The following SHMT1 variants were observed in gnomAD, a reference collection of about 807,000 sequenced individuals.
SHMT1 encodes the protein serine hydroxymethyltransferase 1.
A neutral mutation model predicts 49.0 loss-of-function variants in SHMT1; 45 were observed. That is an observed-to-expected ratio of 0.92 (90% CI 0.72 to 1.18). The LOEUF is 1.18. SHMT1 is among the 50% of genes most tolerant of loss of function. SHMT1 has a pLI of 0.00. For synonymous variants in SHMT1, 232 were observed against 246.6 expected (o/e 0.94, Z 0.55); for missense variants, 541 against 612.4 (o/e 0.88, Z 1.23).
intron 3 of SHMT1, among the ~76,000 whole-genome samples, chr17:18,352,292 G>A (rs908240927): frequency 7.2e-5 from 11 of 151,778 alleles, no homozygotes; most frequent in East Asian, 1.9e-4. Context: ...GACTACAGGC[G>A]CCCGCCACCT....
chr17:18,351,567 G>T (rs2151597152), intron 3 of SHMT1, among the ~76,000 whole-genome samples: 1 of 152,036 alleles, frequency 6.6e-6, no homozygotes, highest in Non-Finnish European at 1.5e-5. Context: ...GACCAGCCTG[G>T]CTAACACGGT....
Position 18,340,778 on chromosome 17 carries a change from C to T in SHMT1, c.555G>A (p.Gln185=). 1.9e-6 allele frequency: 3 copies of T among 1,613,630 alleles called. No individual in the cohort carries two copies. Among genetic ancestry groups the T allele is most frequent in the African/African-American group, 1.3e-5 (1 of 75,066 alleles). Residue 185 remains glutamine (Q), a synonymous_variant, in exon 6 of 12, where the codon CAG becomes CAA. Coordinates refer to ENST00000316694, the MANE Select transcript of SHMT1 (RefSeq NM_004169.5). This position sits in a 1 kb window ranked among gnomAD's most constrained non-coding sequence, Gnocchi z 4.5. ...NPDTGYINYD[Q]LEENARLFHP... ...GGAAGAGGCGTGCGTTCTCCTCCAGCTGGTCATAGTTGATGTAGCCAGTAT... is the reference window on the plus strand; with the variant it reads ...GGAAGAGGCGTGCGTTCTCCTCCAGTTGGTCATAGTTGATGTAGCCAGTAT...
At chr17:18,332,973 C>T (rs751716931) in intron 9 of SHMT1, 193 bp downstream of exon 9, 14 of 700,134 alleles carry the variant, frequency 2.0e-5, no homozygotes, top group Non-Finnish European at 3.3e-5. Flanking sequence ...GTGGCTCACC[C>T]AAGGGGGCGG....
chr17:18,358,417 G>A (rs1172538348), intron 1 of SHMT1, among the ~76,000 whole-genome samples: 3 of 151,874 alleles, frequency 2.0e-5, no homozygotes, highest in Non-Finnish European at 2.9e-5. Flanking sequence ...TTGAACCTGG[G>A]AGTCAGAGGT....
At chr17:18,341,180 T>A in intron 5 of SHMT1, 2 of 273,590 alleles carry the variant, frequency 7.3e-6, no homozygotes, top group East Asian at 1.7e-4. Context: ...CTATTCCAAG[T>A]ATAATGAGGC....
chr17:18,338,615 GA>G (rs1226235471), intron 7 of SHMT1, among the ~76,000 whole-genome samples: 1 of 152,252 alleles, frequency 6.6e-6, no homozygotes, highest in Non-Finnish European at 1.5e-5. Flanking sequence ...TTGTCGAATA[GA>G]AAAGGGGGAA....
At chr17:18,343,030 G>A (rs1984687756) in intron 5 of SHMT1, among the ~76,000 whole-genome samples, 1 of 152,086 alleles carries the variant, frequency 6.6e-6, no homozygotes, top group Non-Finnish European at 1.5e-5. Context: ...TCACTGGAGG[G>A]TGGCAGACAA....
intron 9 of SHMT1, chr17:18,331,495 T>C (rs1983204094): frequency 6.5e-6 from 1 of 153,082 alleles, no homozygotes. Flanking sequence ...ATAGTGCTTC[T>C]CATAGCACCA....
chr17:18,357,230 G>A (rs935592043), intron 1 of SHMT1, among the ~76,000 whole-genome samples: 3 of 135,870 alleles, frequency 2.2e-5, no homozygotes, highest in Non-Finnish European at 3.0e-5. Context: ...GCAGTGAGCC[G>A]AGATCACACC....
At chr17:18,362,950 A>C (rs1334159952) in intron 1 of SHMT1, 1 of 152,284 alleles carries the variant, frequency 6.6e-6, no homozygotes. Flanking sequence ...CTGCCATTTA[A>C]GTTGCCTCCT....
In SHMT1 at chr17:18,340,788, T is replaced by C. The variant is rs759634268; in HGVS notation, c.545A>G (p.Asn182Ser). The change falls in exon 6 of 12, where the codon AAC becomes AGC. Residue 182 changes from asparagine to serine, a missense_variant. By Grantham distance (46) the Asn-to-Ser change is conservative. Coordinates refer to ENST00000316694, the MANE Select transcript of SHMT1 (RefSeq NM_004169.5). The surrounding 1 kb of genome is among the most constrained non-coding windows in gnomAD (Gnocchi z 4.5). ...YKVNPDTGYINYDQLEENARL... is the reference protein window; with the variant it reads ...YKVNPDTGYISYDQLEENARL... ...TGCGTTCTCCTCCAGCTGGTCATAGTTGATGTAGCCAGTATCTGGGTTCAC... is the reference window on the plus strand; with the variant it reads ...TGCGTTCTCCTCCAGCTGGTCATAGCTGATGTAGCCAGTATCTGGGTTCAC... The C allele has an allele frequency of 2.5e-6, 4 of 1,613,554 alleles. No homozygotes were observed. In the East Asian group the frequency reaches 8.9e-5, roughly 36 times the overall value.
chr17:18,333,318 G>A (rs758824735), intron 8 of SHMT1, 30 bp from the exon 9 acceptor site: 4 of 1,609,700 alleles, frequency 2.5e-6, no homozygotes, highest in South Asian at 1.1e-5. Context: ...GGGTCAGGAG[G>A]CTAGGATAGA....
At chr17:18,353,179 G>A (rs1985893318) in intron 3 of SHMT1, among the ~76,000 whole-genome samples, 1 of 143,844 alleles carries the variant, frequency 7.0e-6, no homozygotes, top group Non-Finnish European at 1.6e-5. Context: ...AAACAAAAAC[G>A]AATATAACAC....
intron 7 of SHMT1, among the ~76,000 whole-genome samples, chr17:18,338,555 A>G (rs1288184621): frequency 6.6e-6 from 1 of 152,162 alleles, no homozygotes; most frequent in Non-Finnish European, 1.5e-5. Context: ...CCCGTCTGGG[A>G]GGTGTACCCA....
rs199985045 is a variant in SHMT1, at chr17:18,329,355, C to A, written c.1205G>T (p.Arg402Leu). 3 of 1,612,738 alleles carry A rather than the reference C, an allele frequency of 1.9e-6. No individual in the cohort carries two copies. Among genetic ancestry groups the A allele is most frequent in the Middle Eastern group, 1.9e-4 (1 of 5,156 alleles). The change falls in exon 11 of 12, where the codon CGG becomes CTG. Residue 402 changes from arginine to leucine, a missense_variant. By Grantham distance (102) the Arg-to-Leu change is moderately radical. Transcript: ENST00000316694. ...DRSALRPSGL[R>L]LGTPALTSRG... Reference sequence around the variant, plus strand: ...GGACGTCAGTGCTGGGGTCCCCAGCCGCAGTCCACTGGGCCGCAGAGCGCT... The same window carrying A: ...GGACGTCAGTGCTGGGGTCCCCAGCAGCAGTCCACTGGGCCGCAGAGCGCT...
chr17:18,357,927 G>A (rs1164278936), intron 1 of SHMT1, among the ~76,000 whole-genome samples: 3 of 146,576 alleles, frequency 2.0e-5, no homozygotes, highest in Non-Finnish European at 4.5e-5. Context: ...ACAGTGGCGC[G>A]ATCTCGGCTC....
At position 18,347,597 on chromosome 17, in the gene SHMT1, C is replaced by A; in HGVS notation, c.418G>T (p.Gly140Cys). 6.2e-7 allele frequency: 1 copy of A among 1,614,138 alleles called. No individual in the cohort carries two copies. Among genetic ancestry groups the A allele is most frequent in the Non-Finnish European group, 8.5e-7 (1 of 1,180,018 alleles). Residue 140 changes from glycine (G) to cysteine (C), a missense_variant, in exon 5 of 12, where the codon GGC (glycine) becomes TGC (cysteine). Physicochemically the swap from Gly to Cys is radical, Grantham distance 159 (BLOSUM62 -3). Coordinates refer to ENST00000316694, the MANE Select transcript of SHMT1 (RefSeq NM_004169.5). The part of the protein sequence containing the change: ...ALVEPHGRIM[G>C]LDLPDGGHLT... ...TGGCCCCCATCCGGAAGGTCCAGGC[C>A]CATGATGCGCCCATGGGGTTCCACC...
intron 3 of SHMT1, among the ~76,000 whole-genome samples, chr17:18,350,392 T>C (rs1326605180): frequency 1.3e-5 from 2 of 151,948 alleles, no homozygotes; most frequent in African/African-American, 4.8e-5. Context: ...ACACCTGTAA[T>C]CCTAGTAATA....
chr17:18,360,833 G>A (rs1408593048), intron 1 of SHMT1, among the ~76,000 whole-genome samples: 1 of 152,044 alleles, frequency 6.6e-6, no homozygotes, highest in African/African-American at 2.4e-5. Flanking sequence ...CAAGAGTCAA[G>A]ACCACCCTGG....
Sources: gnomAD v4.1 joint callset for allele counts (sites outside exome capture counted in the v4.1 genomes callset) on GRCh38, gnomAD v4.1.1 for gene constraint, Gnocchi (gnomAD v3.1) non-coding constraint, MANE v1.5 for transcripts, NCBI Gene and HGNC (gene_info 2026-07-23, HGNC 2026-07-21) for gene names.